MAGI1: variants seen among roughly 807,000 people sequenced by gnomAD.
MAGI1 encodes membrane associated guanylate kinase, WW and PDZ domain containing 1, also known as membrane-associated guanylate kinase, WW and PDZ domain-containing protein 1.
A neutral mutation model predicts 139.9 loss-of-function variants in MAGI1; 58 were observed. The observed-to-expected ratio is 0.41, with a 90% CI of 0.34 to 0.52. The LOEUF is 0.52. MAGI1 is among the 20% of genes least tolerant of loss of function. The probability of loss-of-function intolerance (pLI) is 0.12; values close to 1 mark genes in which losing one functional copy is unlikely to be tolerated. For synonymous variants in MAGI1, 812 were observed against 737.9 expected, an observed-to-expected ratio of 1.10 and a Z score of -1.63; for missense variants, 1,874 against 1,901.6, an observed-to-expected ratio of 0.99 and a Z score of 0.27.
At chr3:65,429,001 G>T (rs1162926283) in intron 12 of MAGI1, among the ~76,000 whole-genome samples, 1 of 152,118 alleles carries the variant, frequency 6.6e-6, no homozygotes, top group Non-Finnish European at 1.5e-5. Context: ...AGCCAGTGTG[G>T]CTAAAGCACC....
chr3:65,980,701 G>A (rs2065528740), intron 1 of MAGI1, among the ~76,000 whole-genome samples: 1 of 152,148 alleles, frequency 6.6e-6, no homozygotes, highest in Non-Finnish European at 1.5e-5. Flanking sequence ...CCTAATGTTT[G>A]GTATTGTGGA....
chr3:65,874,466 A>G (rs1458053075), intron 1 of MAGI1: 2 of 152,254 alleles, frequency 1.3e-5, no homozygotes, highest in Non-Finnish European at 2.9e-5. Context: ...AACCATCTTA[A>G]CAGACATTTT....
At chr3:65,768,058 T>G (rs562680916) in intron 1 of MAGI1, among the ~76,000 whole-genome samples, 2 of 152,324 alleles carry the variant, frequency 1.3e-5, no homozygotes, top group African/African-American at 4.8e-5. Context: ...AATTTTGTGT[T>G]TTAACACAAC....
At chr3:65,605,136 A>G (rs148225692) in intron 2 of MAGI1, among the ~76,000 whole-genome samples, 2,970 of 152,336 alleles carry the variant, frequency 0.019, 48 homozygotes, top group Non-Finnish European at 0.03. Context: ...GGATGTCATA[A>G]CGACCCTTTC....
At position 65,955,832 on chromosome 3, in the gene MAGI1, G is replaced by A. The variant is rs184864962; in HGVS notation, c.313+82164C>T. Among the ~76,000 whole-genome samples, 830 of 152,050 alleles carry A rather than the reference G, an allele frequency of 5.5e-3. 3 individuals carry two copies. Among genetic ancestry groups the A allele is most frequent in the Non-Finnish European group, 7.9e-3 (534 of 68,006 alleles). On this transcript the variant is annotated intron_variant, in intron 1 of 22. Coordinates refer to ENST00000402939, the MANE Select transcript of MAGI1 (RefSeq NM_001033057.2). Reference sequence around the variant, plus strand: ...AGGGAAAAACAACACCACTGAGGCCGCCAGTCACAATATTTACCCATGCCA... The same window carrying A: ...AGGGAAAAACAACACCACTGAGGCCACCAGTCACAATATTTACCCATGCCA...
chr3:65,735,988 C>T (rs527861937), intron 1 of MAGI1, among the ~76,000 whole-genome samples: 26 of 152,270 alleles, frequency 1.7e-4, no homozygotes, highest in Admixed American at 3.9e-4. Context: ...AGTGAGTGCC[C>T]GAGCAGCAAT....
intron 5 of MAGI1, among the ~76,000 whole-genome samples, chr3:65,469,264 C>G (rs1950398786): frequency 6.6e-6 from 1 of 152,038 alleles, no homozygotes; most frequent in Non-Finnish European, 1.5e-5. Flanking sequence ...GTTGACTTAA[C>G]AGTAGATCAG....
At chr3:65,808,196 G>A (rs1403282969) in intron 1 of MAGI1, among the ~76,000 whole-genome samples, 1 of 152,080 alleles carries the variant, frequency 6.6e-6, no homozygotes, top group Non-Finnish European at 1.5e-5. Context: ...TGTTGGTCAG[G>A]CTGGTCTCAA....
At chr3:65,950,082 A>AAAAAAAAAAAAAAT (rs2063745911) in intron 1 of MAGI1, among the ~76,000 whole-genome samples, 1 of 79,844 alleles carries the variant, frequency 1.3e-5, no homozygotes, top group Non-Finnish European at 2.7e-5. Flanking sequence ...AAAAAACAAA[A>AAAAAAAAAAAAAAT]AAAAAAACAA....
intron 1 of MAGI1, among the ~76,000 whole-genome samples, chr3:66,026,496 A>G (rs1349391117): frequency 6.6e-6 from 1 of 151,954 alleles, no homozygotes; most frequent in Non-Finnish European, 1.5e-5. Flanking sequence ...CTCAAAAAGA[A>G]TTCAATTCAA....
At chr3:65,668,784 C>T (rs976140937) in intron 1 of MAGI1, among the ~76,000 whole-genome samples, 1 of 151,666 alleles carries the variant, frequency 6.6e-6, no homozygotes, top group African/African-American at 2.4e-5. Context: ...GAACTCCTGA[C>T]CTTGTGATCC....
intron 1 of MAGI1, among the ~76,000 whole-genome samples, chr3:65,983,244 T>C (rs946418210): frequency 1.3e-5 from 2 of 152,394 alleles, no homozygotes; most frequent in Admixed American, 6.5e-5. Flanking sequence ...TTTCTTTATA[T>C]GTGCATATAA....
At chr3:65,817,878 A>C (rs866631629) in intron 1 of MAGI1, among the ~76,000 whole-genome samples, 1 of 152,250 alleles carries the variant, frequency 6.6e-6, no homozygotes, top group South Asian at 2.1e-4. Context: ...TCTAATAAAA[A>C]AGAAAAGCTA....
intron 13 of MAGI1, 62 bp downstream of exon 13, chr3:65,401,377 C>CAA: frequency 9.7e-7 from 1 of 1,030,842 alleles, no homozygotes; most frequent in Non-Finnish European, 1.5e-6. Flanking sequence ...TACCCTCCCA[C>CAA]CTCCAGCCCC....
intron 1 of MAGI1, among the ~76,000 whole-genome samples, chr3:65,879,341 A>G (rs2060237486): frequency 6.6e-6 from 1 of 151,994 alleles, no homozygotes; most frequent in East Asian, 1.9e-4. Flanking sequence ...CCTGGCCCCA[A>G]TCCACCACAG....
At chr3:65,559,745 A>AACACATCTTGGCCTGGC (rs2080251528) in intron 2 of MAGI1, among the ~76,000 whole-genome samples, 1 of 152,220 alleles carries the variant, frequency 6.6e-6, no homozygotes, top group Non-Finnish European at 1.5e-5. Flanking sequence ...CAGGATTTAA[A>AACACATCTTGGCCTGGC]ACACATCTTG....
intron 2 of MAGI1, chr3:65,597,925 T>TGGGGGGGGGGGGGGGGGGGGGGGGGGGGG (rs57059846): frequency 2.7e-6 from 1 of 371,046 alleles, no homozygotes; most frequent in African/African-American, 2.7e-5. Flanking sequence ...GAGGCGGGGG[T>TGGGGGGGGGGGGGGGGGGGGGGGGGGGGG]GGGGGGGGGG....
intron 14 of MAGI1, among the ~76,000 whole-genome samples, chr3:65,389,336 C>A (rs773853442): frequency 1.2e-4 from 18 of 152,106 alleles, no homozygotes; most frequent in Non-Finnish European, 1.8e-4. Flanking sequence ...TTCTATTAAA[C>A]GGATGTTTTA....
chr3:65,729,037 C>G (rs765816676), intron 1 of MAGI1, among the ~76,000 whole-genome samples: 7 of 145,500 alleles, frequency 4.8e-5, no homozygotes, highest in Non-Finnish European at 8.9e-5. Context: ...AAAATTTGGA[C>G]CTGGCATGGT....
Sources: gnomAD v4.1 joint callset for allele counts (sites outside exome capture counted in the v4.1 genomes callset) on GRCh38, gnomAD v4.1.1 for gene constraint, MANE v1.5 for transcripts, NCBI Gene and HGNC (gene_info 2026-07-23, HGNC 2026-07-21) for gene names.